The following UBXN6 variants were observed in gnomAD, a reference collection of about 807,000 sequenced individuals.
The protein encoded by UBXN6 is UBX domain-containing protein 6.
UBXN6 carries 44 observed loss-of-function variants against 51.4 expected under a neutral mutation model. The observed-to-expected ratio is 0.86, with a 90% CI of 0.67 to 1.10. The LOEUF (loss-of-function observed/expected upper bound fraction) is 1.10. Among genes scored for constraint, UBXN6 ranks in the 50% least tolerant of loss-of-function variants. UBXN6 has a pLI of 0.00. For missense variants in UBXN6, 672 were observed against 596.1 expected (o/e 1.13, Z -1.32); for synonymous variants, 316 against 263.2 (o/e 1.20, Z -1.94).
Position 4,448,572 on chromosome 19 carries a change from A to G in UBXN6, c.442-157T>C. The G allele has an allele frequency of 9.1e-6, 6 of 658,824 alleles. No individual in the cohort carries two copies. The South Asian group carries it at 9.2e-5, about 10-fold the overall frequency. The allele number at this position is 658,824 out of a possible 1,614,324, so 40.8% of individuals were successfully genotyped here. ...ACAGAAAGGAAAAGAGAGACCCTCC[A>G]AGACCGCAGCCCTGCCCACGCCCCA... On this transcript the variant is annotated intron_variant, in intron 4 of 10. Coordinates refer to ENST00000301281, the MANE Select transcript of UBXN6 (RefSeq NM_025241.3).
rs138129036 is a variant in UBXN6, at chr19:4,445,530, C to T, written c.1294G>A (p.Glu432Lys). The change falls in exon 11 of 11, where the codon GAG (glutamate) becomes AAG (lysine). Residue 432 changes from glutamate to lysine, a missense_variant. Coordinates refer to ENST00000301281, the MANE Select transcript of UBXN6 (RefSeq NM_025241.3). ...AGCTTCTCGATGGCTGACAGGAGCT[C>T]GGGTTTCAGGATGGAGTCCGGCTCG... is the stretch of plus-strand genomic sequence containing the variant. ...GAEPDSILKP[E>K]LLSAIEKLL 4.3e-5 allele frequency: 69 copies of T among 1,613,818 alleles called. No homozygotes were observed. Among genetic ancestry groups the T allele is most frequent in the East Asian group, 4.2e-4 (19 of 44,892 alleles).
In UBXN6 at chr19:4,445,573, G is replaced by A. The variant is rs766184728; in HGVS notation, c.1251C>T (p.Asp417=). The A allele has an allele frequency of 7.4e-6, 12 of 1,613,802 alleles. No homozygotes were observed. Among genetic ancestry groups the A allele is most frequent in the Admixed American group, 1.7e-5 (1 of 60,026 alleles). Residue 417 remains aspartate (D), a synonymous_variant, in exon 11 of 11, where the codon GAC becomes GAT. Coordinates refer to ENST00000301281, the MANE Select transcript of UBXN6 (RefSeq NM_025241.3). ...TFSWDMAVLE[D]IKAAGAEPDS... ...CCGGCTCGGCCCCCGCGGCCTTGAT[G>A]TCCTCCAGCACAGCCATGTCCCACG...
At chr19:4,457,566 C>A in intron 1 of UBXN6, 49 bp downstream of exon 1, 1 of 1,540,824 alleles carries the variant, frequency 6.5e-7, no homozygotes, top group South Asian at 1.2e-5. Context: ...TCTCTCTCCC[C>A]GGCCGTCCCC....
chr19:4,446,949 G>T, intron 6 of UBXN6, 29 bp from the exon 7 acceptor site: 1 of 1,608,794 alleles, frequency 6.2e-7, no homozygotes. Context: ...GTCACTGGGG[G>T]CCCCTGGCTT....
At chr19:4,454,136 G>A in intron 1 of UBXN6, 43 bp from the exon 2 acceptor site, 6 of 1,483,486 alleles carry the variant, frequency 4.0e-6, no homozygotes, top group East Asian at 2.4e-5. Flanking sequence ...CTCCCGAGGT[G>A]GCCGGCAAAG....
chr19:4,453,631 C>T, intron 2 of UBXN6, 109 bp from the exon 3 acceptor site: 1 of 1,339,864 alleles, frequency 7.5e-7, no homozygotes, highest in Non-Finnish European at 1.0e-6. Flanking sequence ...CGCACACCGC[C>T]CCAGCCTGCT....
chr19:4,447,696 C>T (rs1163752278), intron 5 of UBXN6, 71 bp from the exon 6 acceptor site: 1 of 1,498,986 alleles, frequency 6.7e-7, no homozygotes, highest in Non-Finnish European at 9.3e-7. Context: ...GCCTCCTGCT[C>T]CAGGTAACAG....
At chr19:4,455,812 T>A (rs1974732024) in intron 1 of UBXN6, among the ~76,000 whole-genome samples, 1 of 151,742 alleles carries the variant, frequency 6.6e-6, no homozygotes, top group Non-Finnish European at 1.5e-5. Flanking sequence ...GGGGCAGATT[T>A]CCCCACAGCT....
chr19:4,451,518 AT>A (rs961591225), intron 4 of UBXN6, among the ~76,000 whole-genome samples: 1 of 151,432 alleles, frequency 6.6e-6, no homozygotes, highest in East Asian at 1.9e-4. Context: ...ATGCCCAGCT[AT>A]TTTTTTTTGT....
chr19:4,455,878 A>C (rs1260924091), intron 1 of UBXN6, among the ~76,000 whole-genome samples: 1 of 151,550 alleles, frequency 6.6e-6, no homozygotes, highest in African/African-American at 2.4e-5. Flanking sequence ...GCCCCTGCTC[A>C]CCCTCCTTGG....
Position 4,452,360 on chromosome 19 carries a change from T to C in UBXN6, c.441+4A>G, listed in dbSNP as rs1325980689. On this transcript the variant is annotated splice_donor_region_variant and intron_variant, in intron 4 of 10. Coordinates refer to ENST00000301281, the MANE Select transcript of UBXN6 (RefSeq NM_025241.3). ...GGGGCAGGAGCACACAGGGTGCCACTCACCAAGAGAATGGCCTCCTTGATG... is the reference window on the plus strand; with the variant it reads ...GGGGCAGGAGCACACAGGGTGCCACCCACCAAGAGAATGGCCTCCTTGATG... 1 of 1,613,064 alleles carries C rather than the reference T, an allele frequency of 6.2e-7. No individual in the cohort carries two copies.
intron 1 of UBXN6, among the ~76,000 whole-genome samples, chr19:4,455,984 T>G (rs1974734508): frequency 6.6e-6 from 1 of 152,074 alleles, no homozygotes; most frequent in South Asian, 2.1e-4. Context: ...AGGTGAGCCC[T>G]GGGACAGCAG....
intron 10 of UBXN6, 57 bp downstream of exon 10, chr19:4,445,992 C>T (rs555010325): frequency 6.5e-7 from 1 of 1,544,812 alleles, no homozygotes; most frequent in Non-Finnish European, 8.7e-7. Context: ...CTGTGCCGGT[C>T]CCAGGAGAAC....
At chr19:4,452,286 C>T (rs1974665435) in intron 4 of UBXN6, 78 bp downstream of exon 4, 1 of 1,572,940 alleles carries the variant, frequency 6.4e-7, no homozygotes, top group Non-Finnish European at 8.6e-7. Flanking sequence ...GGATCTGTAC[C>T]ACCTGGGCTT....
chr19:4,451,127 G>T (rs1171237409), intron 4 of UBXN6, among the ~76,000 whole-genome samples: 1 of 152,134 alleles, frequency 6.6e-6, no homozygotes, highest in Non-Finnish European at 1.5e-5. Context: ...CGTGATCTGG[G>T]CTCACTGCAA....
intron 4 of UBXN6, 108 bp downstream of exon 4, chr19:4,452,256 G>T: frequency 6.7e-7 from 1 of 1,491,098 alleles, no homozygotes; most frequent in Non-Finnish European, 9.0e-7. Flanking sequence ...ACTAGCAGTG[G>T]CCTCTGGGGA....
At chr19:4,454,119 G>A (rs777292954) in intron 1 of UBXN6, 26 bp from the exon 2 acceptor site, 2 of 1,504,812 alleles carry the variant, frequency 1.3e-6, no homozygotes, top group South Asian at 2.6e-5. Context: ...GGGAGAGTGA[G>A]TGTATCCTCC....
chr19:4,448,228 TGAGGGGGCCA>T, intron 5 of UBXN6, 80 bp downstream of exon 5: 3 of 1,192,668 alleles, frequency 2.5e-6, no homozygotes, highest in Admixed American at 2.0e-5. Flanking sequence ...CAGCAGGTAA[TGAGGGGGCCA>T]GAGGGGGTGA....
intron 5 of UBXN6, chr19:4,447,843 G>A: frequency 3.5e-6 from 2 of 579,368 alleles, no homozygotes; most frequent in South Asian, 3.8e-5. Flanking sequence ...GAGCCCCACG[G>A]AACCCCTCAC....
Sources: gnomAD v4.1 joint callset for allele counts (sites outside exome capture counted in the v4.1 genomes callset) on GRCh38, gnomAD v4.1.1 for gene constraint, MANE v1.5 for transcripts, NCBI Gene and HGNC (gene_info 2026-07-23, HGNC 2026-07-21) for gene names.